The following VDAC2 variants were observed in gnomAD, a reference collection of about 807,000 sequenced individuals.
VDAC2 encodes non-selective voltage-gated ion channel VDAC2.
Under a neutral mutation model 36.6 loss-of-function variants are expected in VDAC2, and 6 were observed. The observed-to-expected ratio is 0.16, with a 90% CI of 0.09 to 0.32. VDAC2 has a LOEUF of 0.32. VDAC2 is among the 10% of genes least tolerant of loss of function. The probability of loss-of-function intolerance (pLI) is 1.00; values close to 1 mark genes in which losing one functional copy is unlikely to be tolerated. For missense variants in VDAC2, 247 were observed against 346.0 expected, an observed-to-expected ratio of 0.71 and a Z score of 2.27; for synonymous variants, 109 against 123.8, an observed-to-expected ratio of 0.88 and a Z score of 0.79.
intron 7 of VDAC2, 94 bp downstream of exon 7, chr10:75,221,064 T>A: frequency 7.8e-7 from 1 of 1,288,688 alleles, no homozygotes; most frequent in Non-Finnish European, 1.1e-6. Context: ...CCCTAAAGGA[T>A]TTCTCATAAC....
intron 4 of VDAC2, among the ~76,000 whole-genome samples, chr10:75,214,945 C>T (rs955539617): frequency 3.3e-5 from 5 of 152,218 alleles, no homozygotes; most frequent in African/African-American, 1.2e-4. Context: ...CACTCGGTTG[C>T]CCAGGCTGGA....
chr10:75,211,555 T>G (rs764699835), intron 2 of VDAC2: 2 of 1,550,628 alleles, frequency 1.3e-6, no homozygotes, highest in South Asian at 2.4e-5. Flanking sequence ...CTTGTGCTCC[T>G]AAGGGCGTGG....
intron 4 of VDAC2, among the ~76,000 whole-genome samples, chr10:75,216,343 A>C (rs890610507): frequency 6.6e-6 from 1 of 152,228 alleles, no homozygotes; most frequent in Non-Finnish European, 1.5e-5. Context: ...TGGATAATCA[A>C]ATCTTTGTTG....
chr10:75,217,174 T>A (rs1164201783), intron 4 of VDAC2, among the ~76,000 whole-genome samples: 1 of 152,136 alleles, frequency 6.6e-6, no homozygotes, highest in Non-Finnish European at 1.5e-5. Context: ...GGAGGATCGC[T>A]TGAGCCCAGG....
chr10:75,226,519 C>T (rs1841957823), intron 8 of VDAC2, among the ~76,000 whole-genome samples: 1 of 147,800 alleles, frequency 6.8e-6, no homozygotes, highest in African/African-American at 2.5e-5. Flanking sequence ...TACAGTGGCA[C>T]CATCTCTGCT....
At chr10:75,229,411 G>T in intron 8 of VDAC2, 1 of 365,846 alleles carries the variant, frequency 2.7e-6, no homozygotes, top group Middle Eastern at 7.6e-4. Flanking sequence ...GGGGTCTTTG[G>T]ATACATTCCA....
Position 75,210,863 on chromosome 10 carries a change from G to C in VDAC2, c.-101G>C, listed in dbSNP as rs891821457. 2 of 344,776 alleles carry C rather than the reference G, an allele frequency of 5.8e-6. No homozygotes were observed. Among genetic ancestry groups the C allele is most frequent in the African/African-American group, 4.3e-5 (2 of 46,740 alleles). 21.4% of individuals were successfully genotyped at this position (344,776 alleles called of 1,614,324 possible). A position where few individuals can be genotyped will look rare whatever the true frequency, so the allele number is the denominator to read the frequency against. On this transcript the variant is annotated 5_prime_UTR_variant, in exon 1 of 10. Coordinates refer to ENST00000332211, the MANE Select transcript of VDAC2 (RefSeq NM_001391963.1). Reference sequence around the variant, plus strand: ...TCGCCCTCCAGCTGCTGGAGCTGCAGCCCGACCGCGAGCGTGCCAAGCGGC... The same window carrying C: ...TCGCCCTCCAGCTGCTGGAGCTGCACCCCGACCGCGAGCGTGCCAAGCGGC...
intron 9 of VDAC2, among the ~76,000 whole-genome samples, chr10:75,230,318 ATTATTAACAAT>A (rs1283641246): frequency 1.3e-5 from 2 of 152,228 alleles, no homozygotes; most frequent in Non-Finnish European, 2.9e-5. Flanking sequence ...GCATTGACCA[ATTATTAACAAT>A]TTATTAACAA....
intron 4 of VDAC2, chr10:75,218,039 G>T (rs1360902327): frequency 7.4e-6 from 6 of 811,292 alleles, no homozygotes; most frequent in Non-Finnish European, 1.1e-5. Context: ...AGTCAGCTGT[G>T]ATCACATCAT....
chr10:75,213,658 C>T (rs1049211508), intron 3 of VDAC2, among the ~76,000 whole-genome samples: 7 of 152,098 alleles, frequency 4.6e-5, no homozygotes, highest in South Asian at 2.1e-4. Flanking sequence ...GCAGGAGAAT[C>T]GCTTGAACCC....
At chr10:75,230,218 G>T (rs1293518668) in intron 9 of VDAC2, among the ~76,000 whole-genome samples, 3 of 152,164 alleles carry the variant, frequency 2.0e-5, no homozygotes, top group Non-Finnish European at 2.9e-5. Flanking sequence ...TTCAGATAGG[G>T]ATTTTCCTCC....
At chr10:75,211,717 A>G in intron 2 of VDAC2, 9 of 1,533,528 alleles carry the variant, frequency 5.9e-6, no homozygotes, top group South Asian at 1.2e-5. Context: ...TGAAACACAC[A>G]TGGCAGTATT....
rs1804198 is a variant in VDAC2 at position 75,231,180 on chromosome 10, A to T, written c.*191A>T. On this transcript the variant is annotated 3_prime_UTR_variant, in exon 10 of 10. Transcript: ENST00000332211. ...TTTCTAGTTGGTTATCTAGTTACCA[A>T]TGCTGCAGTCCTGCAGTCACCTATA... The T allele has an allele frequency of 1.8e-6, 1 of 554,882 alleles. No individual in the cohort carries two copies. The highest frequency in any genetic ancestry group is 3.5e-5 in the Admixed American group (1 of 28,328). The allele number at this position is 554,882 out of a possible 1,614,324, so 34.4% of individuals were successfully genotyped here.
chr10:75,218,984 G>C (rs1841705368), intron 4 of VDAC2, 79 bp from the exon 5 acceptor site: 8 of 1,343,994 alleles, frequency 6.0e-6, no homozygotes, highest in African/African-American at 5.8e-5. Context: ...CAGGGGGTTT[G>C]TGTGTGTGTG....
Position 75,222,382 on chromosome 10 carries a change from G to A in VDAC2, c.715G>A (p.Asp239Asn). 1 of 1,614,106 alleles carries A rather than the reference G, an allele frequency of 6.2e-7. No individual in the cohort carries two copies. Among genetic ancestry groups the A allele is most frequent in the Non-Finnish European group, 8.5e-7 (1 of 1,179,998 alleles). The change falls in exon 8 of 10, where the codon GAT becomes AAT. Residue 239 changes from aspartate to asparagine, a missense_variant. Physicochemically the swap from Asp to Asn is conservative, Grantham distance 23. Transcript: ENST00000332211. ...TGGCATTGCAGCTAAATATCAGTTGGATCCCACTGCTTCCATTTCTGTGAG... is the reference window on the plus strand; with the variant it reads ...TGGCATTGCAGCTAAATATCAGTTGAATCCCACTGCTTCCATTTCTGTGAG... ...RFGIAAKYQL[D>N]PTASISAKVN...
At chr10:75,218,109 G>A in intron 4 of VDAC2, 1 of 372,706 alleles carries the variant, frequency 2.7e-6, no homozygotes, top group Non-Finnish European at 5.1e-6. Context: ...AAAAAATTCA[G>A]ATAAGCCCTC....
intron 1 of VDAC2, 40 bp from the exon 2 acceptor site, chr10:75,211,094 C>T: frequency 6.4e-7 from 1 of 1,571,080 alleles, no homozygotes; most frequent in Non-Finnish European, 8.7e-7. Flanking sequence ...CCCTTTGGCC[C>T]TTTGACCCCA....
At chr10:75,230,036 T>C (rs1842061322) in intron 9 of VDAC2, among the ~76,000 whole-genome samples, 1 of 152,154 alleles carries the variant, frequency 6.6e-6, no homozygotes, top group Admixed American at 6.5e-5. Flanking sequence ...AAATGTTTTG[T>C]AGTAATTTTT....
At chr10:75,227,577 A>G (rs1402894444) in intron 8 of VDAC2, among the ~76,000 whole-genome samples, 24 of 99,926 alleles carry the variant, frequency 2.4e-4, no homozygotes, top group African/African-American at 9.9e-4. Flanking sequence ...AATAATAGGA[A>G]TTTTTTTTTT....
Sources: gnomAD v4.1 joint callset for allele counts (sites outside exome capture counted in the v4.1 genomes callset) on GRCh38, gnomAD v4.1.1 for gene constraint, MANE v1.5 for transcripts, NCBI Gene and HGNC (gene_info 2026-07-23, HGNC 2026-07-21) for gene names.